Variants in TMCO4 observed in about 807,000 individuals in gnomAD.
TMCO4 encodes the protein transmembrane and coiled-coil domain-containing protein 4.
A neutral mutation model predicts 64.7 loss-of-function variants in TMCO4; 58 were observed. The ratio of observed to expected loss-of-function variants is 0.90; its 90% CI spans 0.73 to 1.12. TMCO4 has a LOEUF of 1.12. TMCO4 is among the 50% of genes most tolerant of loss of function. The pLI, the probability that TMCO4 is intolerant of heterozygous loss-of-function variation, is 0.00. For synonymous variants in TMCO4, 325 were observed against 346.1 expected (o/e 0.94, Z 0.68); for missense variants, 780 against 825.9 (o/e 0.94, Z 0.68).
intron 13 of TMCO4, among the ~76,000 whole-genome samples, chr1:19,716,862 G>A (rs1471337336): frequency 6.6e-6 from 1 of 152,154 alleles, no homozygotes; most frequent in Non-Finnish European, 1.5e-5. Flanking sequence ...TGCTGGAGCC[G>A]CCAGCCTCAA....
intron 6 of TMCO4, among the ~76,000 whole-genome samples, chr1:19,756,921 AT>A (rs1312220791): frequency 1.3e-5 from 2 of 152,194 alleles, no homozygotes; most frequent in African/African-American, 4.8e-5. Flanking sequence ...ATGAAACAAA[AT>A]TTTTAATGCA....
chr1:19,687,945 T>C (rs986803097), intron 15 of TMCO4, among the ~76,000 whole-genome samples: 1 of 152,088 alleles, frequency 6.6e-6, no homozygotes, highest in Non-Finnish European at 1.5e-5. Context: ...GGCAGAGCTC[T>C]GGTTTTACAG....
At chr1:19,715,903 G>A (rs1381838247) in intron 13 of TMCO4, among the ~76,000 whole-genome samples, 1 of 152,212 alleles carries the variant, frequency 6.6e-6, no homozygotes, top group African/African-American at 2.4e-5. Flanking sequence ...AGTGGGGTCT[G>A]ATCACATCCT....
intron 15 of TMCO4, among the ~76,000 whole-genome samples, chr1:19,693,553 C>T (rs1389209860): frequency 2.0e-5 from 3 of 152,178 alleles, no homozygotes; most frequent in East Asian, 1.9e-4. Context: ...CCTCCCACTC[C>T]ATTCACTGCA....
intron 13 of TMCO4, among the ~76,000 whole-genome samples, chr1:19,716,274 T>C (rs1001334074): frequency 8.0e-5 from 12 of 150,800 alleles, no homozygotes; most frequent in Admixed American, 2.0e-4. Context: ...AACCTCTGCC[T>C]CCTGGGTTCA....
chr1:19,795,142 T>G (rs1419017074), intron 2 of TMCO4, among the ~76,000 whole-genome samples: 1 of 152,000 alleles, frequency 6.6e-6, no homozygotes, highest in South Asian at 2.1e-4. Context: ...GTAAATTTCA[T>G]GGTATGTGTA....
chr1:19,699,513 A>G (rs868860903), intron 14 of TMCO4, among the ~76,000 whole-genome samples: 2 of 145,690 alleles, frequency 1.4e-5, no homozygotes, highest in East Asian at 4.1e-4. Context: ...ATATATATAT[A>G]TTGAGATGGA....
At chr1:19,758,903 C>G (rs531902316) in intron 6 of TMCO4, among the ~76,000 whole-genome samples, 1 of 152,140 alleles carries the variant, frequency 6.6e-6, no homozygotes, top group Middle Eastern at 3.4e-3. Flanking sequence ...GAGTTCAAGA[C>G]CAGCATGGCC....
chr1:19,778,364 C>T (rs2043308110), intron 4 of TMCO4, among the ~76,000 whole-genome samples: 1 of 152,232 alleles, frequency 6.6e-6, no homozygotes, highest in East Asian at 1.9e-4. Context: ...ACCTCTGCCT[C>T]CCGGGTTCAA....
chr1:19,758,259 G>C (rs2042350640), intron 6 of TMCO4, among the ~76,000 whole-genome samples: 1 of 151,824 alleles, frequency 6.6e-6, no homozygotes, highest in Admixed American at 6.6e-5. Flanking sequence ...AGGATGAGGA[G>C]CTGTCTACGT....
chr1:19,753,542 GA>G (rs1489805389), intron 7 of TMCO4, among the ~76,000 whole-genome samples: 2 of 152,278 alleles, frequency 1.3e-5, no homozygotes, highest in Non-Finnish European at 2.9e-5. Context: ...CAGCTGCAAA[GA>G]GTCACCTTGG....
intron 13 of TMCO4, among the ~76,000 whole-genome samples, chr1:19,727,010 C>T (rs890278841): frequency 6.6e-6 from 1 of 152,196 alleles, no homozygotes; most frequent in Non-Finnish European, 1.5e-5. Flanking sequence ...GGAAAATCTC[C>T]TCAGACGCCT....
chr1:19,792,091 A>G (rs143993306), intron 2 of TMCO4, among the ~76,000 whole-genome samples: 3,954 of 152,278 alleles, frequency 0.026, 181 homozygotes, highest in African/African-American at 0.089. Flanking sequence ...GGCCTCCCCA[A>G]TCACACGGAA....
Position 19,739,926 on chromosome 1 carries a change from G to A in TMCO4, c.1077C>T (p.Leu359=), listed in dbSNP as rs752590581. The A allele has an allele frequency of 6.2e-7, 1 of 1,613,948 alleles. No homozygotes were observed. Among genetic ancestry groups the A allele is most frequent in the Non-Finnish European group, 8.5e-7 (1 of 1,179,970 alleles). The change falls in exon 12 of 16, where the codon CTC becomes CTT. Residue 359 remains leucine, a synonymous_variant. Coordinates refer to ENST00000294543, the MANE Select transcript of TMCO4 (RefSeq NM_181719.7). ...TGTCGATGACATTGGCGACACTGAG[G>A]AGTGAGGCTGGCCAGGTCAGGGCAG... The part of the protein sequence containing the change: ...IVAALTWPAS[L]LSVANVIDNP...
chr1:19,694,577 A>C (rs964554141), intron 14 of TMCO4, 26 bp from the exon 15 acceptor site: 2 of 1,608,216 alleles, frequency 1.2e-6, no homozygotes, highest in Non-Finnish European at 1.7e-6. Context: ...GAAGCATGTG[A>C]ACATTAGCAC....
At chr1:19,712,504 C>A (rs1161514047) in intron 13 of TMCO4, among the ~76,000 whole-genome samples, 1 of 151,754 alleles carries the variant, frequency 6.6e-6, no homozygotes, top group Non-Finnish European at 1.5e-5. Context: ...CCTGTAATCC[C>A]AGCTACTCGG....
chr1:19,696,333 C>T (rs868312472), intron 14 of TMCO4, among the ~76,000 whole-genome samples: 4 of 151,994 alleles, frequency 2.6e-5, no homozygotes, highest in Admixed American at 2.0e-4. Context: ...GAGGATTGCT[C>T]GGGCCCAGGC....
intron 7 of TMCO4, among the ~76,000 whole-genome samples, chr1:19,754,930 AC>A (rs141894973): frequency 2.6e-5 from 4 of 152,214 alleles, no homozygotes; most frequent in Non-Finnish European, 4.4e-5. Flanking sequence ...ACAGATAAGA[AC>A]ATTGCAGCTT....
chr1:19,787,113 T>G lies in TMCO4; in HGVS notation c.-96A>C, dbSNP rs989778348. The G allele has an allele frequency of 6.6e-6, 1 of 152,270 alleles. No individual in the cohort carries two copies. The highest frequency in any genetic ancestry group is 1.5e-5 in the Non-Finnish European group (1 of 68,042). The allele number at this position is 152,270 out of a possible 1,614,324, so 9.4% of individuals were successfully genotyped here. A position where few individuals can be genotyped will look rare whatever the true frequency, so the allele number is the denominator to read the frequency against. ...ATGGTTCTTTGGAGAAATATGCAAATTGCCCTGCGGGAGAAAACCAGAAAA... is the reference window on the plus strand; with the variant it reads ...ATGGTTCTTTGGAGAAATATGCAAAGTGCCCTGCGGGAGAAAACCAGAAAA... On this transcript the variant is annotated 5_prime_UTR_variant, in exon 3 of 16. Coordinates refer to ENST00000294543, the MANE Select transcript of TMCO4 (RefSeq NM_181719.7).
Sources: gnomAD v4.1 joint callset for allele counts (sites outside exome capture counted in the v4.1 genomes callset) on GRCh38, gnomAD v4.1.1 for gene constraint, MANE v1.5 for transcripts, NCBI Gene and HGNC (gene_info 2026-07-23, HGNC 2026-07-21) for gene names.